Variants in SPPL3 observed in about 807,000 individuals in gnomAD.
SPPL3 encodes the protein signal peptide peptidase like 3, also known as signal peptide peptidase-like 3.
In SPPL3, 5 loss-of-function variants were observed where a neutral mutation model predicts 42.4. The observed-to-expected ratio is 0.12, with a 90% CI of 0.06 to 0.25. SPPL3 has a LOEUF of 0.25. Among genes scored for constraint, SPPL3 ranks in the 10% least tolerant of loss-of-function variants. The probability of loss-of-function intolerance (pLI) is 1.00; values close to 1 mark genes in which losing one functional copy is unlikely to be tolerated. For synonymous variants in SPPL3, 195 were observed against 181.8 expected (o/e 1.07, Z -0.58); for missense variants, 235 against 489.0 (o/e 0.48, Z 4.90).
chr12:120,880,786 CG>C (rs1164506263), intron 1 of SPPL3, among the ~76,000 whole-genome samples: 2 of 150,424 alleles, frequency 1.3e-5, no homozygotes, highest in South Asian at 4.2e-4. Flanking sequence ...GACTCCGTCT[CG>C]GGGGAAAAAA....
intron 2 of SPPL3, 107 bp downstream of exon 2, chr12:120,810,702 G>A (rs1266147436): frequency 4.9e-5 from 40 of 812,842 alleles, no homozygotes; most frequent in Non-Finnish European, 7.1e-5. Flanking sequence ...AAATCCTGCC[G>A]AAGTCCTGTT....
In SPPL3 at chr12:120,767,243, T is replaced by A. The variant is rs370143940; in HGVS notation, c.973+151A>T. ...CTGGCCTATCCAGTACACAAAACAC[T>A]TAGCATCTCACGGGCCAGGCTGTCT... On this transcript the variant is annotated intron_variant, in intron 9 of 10. Transcript: ENST00000353487. 2.3e-4 allele frequency: 175 copies of A among 775,682 alleles called. 1 individual carries two copies. In the South Asian group the frequency reaches 2.8e-3, roughly 12 times the overall value. The allele number at this position is 775,682 out of a possible 1,614,324, so 48.0% of individuals were successfully genotyped here.
At chr12:120,766,140 ACAGT>A in intron 10 of SPPL3, 119 bp downstream of exon 10, 2 of 664,638 alleles carry the variant, frequency 3.0e-6, no homozygotes, top group Non-Finnish European at 4.9e-6. Flanking sequence ...ACACACACAC[ACAGT>A]CGAGATCACA....
In SPPL3 at chr12:120,904,285, G is replaced by A. The variant is rs1874088149; in HGVS notation, c.-418C>T. On this transcript the variant is annotated 5_prime_UTR_variant, in exon 1 of 11. Coordinates refer to ENST00000353487, the MANE Select transcript of SPPL3 (RefSeq NM_139015.5). ...CGGCGGCCGGGGGACATGGCCGGCGGGCGGAGGCGGCGGCGACTGAGGGGG... is the reference window on the plus strand; with the variant it reads ...CGGCGGCCGGGGGACATGGCCGGCGAGCGGAGGCGGCGGCGACTGAGGGGG... The A allele has an allele frequency of 6.0e-6, 1 of 166,810 alleles. No individual in the cohort carries two copies. The highest frequency in any genetic ancestry group is 2.4e-5 in the African/African-American group (1 of 41,130). 10.3% of individuals were successfully genotyped at this position (166,810 alleles called of 1,614,324 possible). A position where few individuals can be genotyped will look rare whatever the true frequency, so the allele number is the denominator to read the frequency against.
chr12:120,877,114 T>C (rs1176681484), intron 1 of SPPL3, among the ~76,000 whole-genome samples: 1 of 151,708 alleles, frequency 6.6e-6, no homozygotes, highest in Non-Finnish European at 1.5e-5. Flanking sequence ...GTAGATGAAA[T>C]GGAAAGAGAC....
chr12:120,766,098 GCGCACACACACACA>G lies in SPPL3; in HGVS notation c.1083+151_1083+164del, dbSNP rs1324882137. 6.9e-3 allele frequency among the ~76,000 whole-genome samples: 997 copies of G among 144,148 alleles called. 6 individuals are homozygous for G. Among genetic ancestry groups the G allele is most frequent in the African/African-American group, 0.023 (889 of 38,144 alleles). 94.6% of individuals were successfully genotyped at this position (144,148 alleles called of 152,430 possible). ...TTGCTAACGCCAGGGTAGCGCGCGC[GCGCACACACACACA>G]CACACACACACACACACACACACAC... On this transcript the variant is annotated intron_variant, in intron 10 of 10. Transcript: ENST00000353487.
rs537078296 is a variant in SPPL3 at position 120,857,137 on chromosome 12, G to C, written c.24-46251C>G. Among the ~76,000 whole-genome samples the C allele has an allele frequency of 2.6e-5, 4 of 152,328 alleles. No homozygotes were observed. The South Asian group carries it at 8.3e-4, about 32-fold the overall frequency. The stretch of plus-strand genomic sequence containing the variant: ...AAGAGTAATGACCAGATGTCTGAAA[G>C]TGCTAGGATTCCCTCTTCCCCTCCA... On this transcript the variant is annotated intron_variant, in intron 1 of 10. Transcript: ENST00000353487.
intron 1 of SPPL3, among the ~76,000 whole-genome samples, chr12:120,827,343 TA>T (rs200794476): frequency 0.01 from 1,480 of 147,422 alleles, 36 homozygotes; most frequent in African/African-American, 0.034. Context: ...ATAATAATAA[TA>T]ATAATAATAA....
chr12:120,874,886 C>T (rs548586660), intron 1 of SPPL3, among the ~76,000 whole-genome samples: 20 of 152,290 alleles, frequency 1.3e-4, no homozygotes, highest in African/African-American at 4.8e-4. Context: ...CTAGTCAAGG[C>T]TGGGTCACAA....
intron 2 of SPPL3, among the ~76,000 whole-genome samples, chr12:120,792,175 G>T (rs1869938821): frequency 6.6e-6 from 1 of 152,182 alleles, no homozygotes; most frequent in Non-Finnish European, 1.5e-5. Flanking sequence ...AGGGGTTAGG[G>T]TTTGAAATTT....
intron 2 of SPPL3, among the ~76,000 whole-genome samples, chr12:120,808,727 T>C (rs933172136): frequency 2.6e-5 from 4 of 152,166 alleles, no homozygotes; most frequent in African/African-American, 9.7e-5. Flanking sequence ...TAGAAAGTAT[T>C]TGTCTGGTGC....
intron 3 of SPPL3, among the ~76,000 whole-genome samples, chr12:120,787,224 G>A (rs1005808654): frequency 6.6e-6 from 1 of 152,158 alleles, no homozygotes. Flanking sequence ...TAAGCAAGAA[G>A]ATTAAGATGT....
At chr12:120,805,736 G>A (rs2393718) in intron 2 of SPPL3, among the ~76,000 whole-genome samples, 29,506 of 151,720 alleles carry the variant, frequency 0.19, 4,514 homozygotes, top group African/African-American at 0.41. Flanking sequence ...AATCCAAAAT[G>A]AAGAAAAAAA....
intron 1 of SPPL3, among the ~76,000 whole-genome samples, chr12:120,881,197 G>A (rs1042307474): frequency 3.3e-5 from 5 of 151,794 alleles, no homozygotes; most frequent in Non-Finnish European, 5.9e-5. Context: ...GCCCAGGTGC[G>A]GTGGCTCCCG....
At chr12:120,840,759 G>C (rs1184821683) in intron 1 of SPPL3, among the ~76,000 whole-genome samples, 1 of 152,082 alleles carries the variant, frequency 6.6e-6, no homozygotes, top group African/African-American at 2.4e-5. Flanking sequence ...TTGAGCTTGG[G>C]AGGCGGAGGT....
chr12:120,897,770 A>G lies in SPPL3; in HGVS notation c.23+6075T>C, dbSNP rs867308356. ...CAAATCTTCTAAAGTCTATAATGCTAGACACAAATTTTCAACTACTTTCTC... is the reference window on the plus strand; with the variant it reads ...CAAATCTTCTAAAGTCTATAATGCTGGACACAAATTTTCAACTACTTTCTC... On this transcript the variant is annotated intron_variant, in intron 1 of 10. Transcript: ENST00000353487. 3.9e-5 allele frequency among the ~76,000 whole-genome samples: 6 copies of G among 152,360 alleles called. No individual in the cohort carries two copies. In the South Asian group the frequency reaches 1.0e-3, roughly 26 times the overall value.
At chr12:120,808,833 T>C (rs1849806866) in intron 2 of SPPL3, among the ~76,000 whole-genome samples, 2 of 152,200 alleles carry the variant, frequency 1.3e-5, no homozygotes, top group Admixed American at 1.3e-4. Context: ...GAAAGTAGTA[T>C]TAGGGTTGAG....
chr12:120,812,031 T>C (rs1239235182), intron 1 of SPPL3, among the ~76,000 whole-genome samples: 3 of 151,942 alleles, frequency 2.0e-5, no homozygotes, highest in Admixed American at 2.0e-4. Flanking sequence ...CTGGTGATTG[T>C]TTATGGGAAC....
intron 1 of SPPL3, among the ~76,000 whole-genome samples, chr12:120,891,541 AT>A (rs1320845911): frequency 6.6e-6 from 1 of 152,146 alleles, no homozygotes; most frequent in Non-Finnish European, 1.5e-5. Flanking sequence ...TATTAAAAAA[AT>A]TTTTTTAGCT....
Sources: gnomAD v4.1 joint callset for allele counts (sites outside exome capture counted in the v4.1 genomes callset) on GRCh38, gnomAD v4.1.1 for gene constraint, MANE v1.5 for transcripts, NCBI Gene and HGNC (gene_info 2026-07-23, HGNC 2026-07-21) for gene names.